The following PCDHGB2 variants were observed in gnomAD, a reference collection of about 807,000 sequenced individuals.
PCDHGB2 encodes protocadherin gamma-B2.
Under a neutral mutation model 59.3 loss-of-function variants are expected in PCDHGB2, and 55 were observed. That is an observed-to-expected ratio of 0.93 (90% CI 0.75 to 1.16). The LOEUF (loss-of-function observed/expected upper bound fraction) is 1.16, where lower values mean the gene tolerates loss of function less well. PCDHGB2 is among the 50% of genes most tolerant of loss of function. The probability of loss-of-function intolerance (pLI) is 0.00; values close to 1 mark genes in which losing one functional copy is unlikely to be tolerated. For missense variants in PCDHGB2, 1,228 were observed against 1,198.5 expected, an observed-to-expected ratio of 1.02 and a Z score of -0.36; for synonymous variants, 516 against 512.0, an observed-to-expected ratio of 1.01 and a Z score of -0.11.
chr5:141,471,046 CTTTTT>C (rs1170588345), intron 1 of PCDHGB2, among the ~76,000 whole-genome samples: 2 of 113,276 alleles, frequency 1.8e-5, no homozygotes, highest in Non-Finnish European at 3.6e-5. Context: ...CCCAAGCCCT[CTTTTT>C]TTTTTTTTTT....
chr5:141,365,365 C>T (rs761258930), intron 1 of PCDHGB2: 23 of 1,613,810 alleles, frequency 1.4e-5, no homozygotes, highest in Non-Finnish European at 1.9e-5. Context: ...ACAATGCCCC[C>T]GAAGTGATCC....
intron 1 of PCDHGB2, chr5:141,410,258 G>A: frequency 6.2e-7 from 1 of 1,614,022 alleles, no homozygotes; most frequent in East Asian, 2.2e-5. Context: ...TGACCCCCAG[G>A]CTGAACTGCA....
intron 2 of PCDHGB2, among the ~76,000 whole-genome samples, chr5:141,502,719 C>G (rs1242423173): frequency 1.3e-5 from 2 of 152,190 alleles, no homozygotes; most frequent in Non-Finnish European, 2.9e-5. Flanking sequence ...TCAGTGATTA[C>G]AAAGCGGTGA....
At chr5:141,460,724 A>C (rs1294708205) in intron 1 of PCDHGB2, among the ~76,000 whole-genome samples, 1 of 152,114 alleles carries the variant, frequency 6.6e-6, no homozygotes, top group African/African-American at 2.4e-5. Context: ...TGTTATAAGC[A>C]TATATACACA....
chr5:141,368,929 T>C (rs1183733565), intron 1 of PCDHGB2, among the ~76,000 whole-genome samples: 1 of 152,228 alleles, frequency 6.6e-6, no homozygotes, highest in Non-Finnish European at 1.5e-5. Context: ...AGTGTCTGTC[T>C]AGAATTCTGG....
chr5:141,375,213 G>T (rs778646849), intron 1 of PCDHGB2: 1 of 1,613,926 alleles, frequency 6.2e-7, no homozygotes, highest in Admixed American at 1.7e-5. Context: ...CGAGACTCTG[G>T]CCTGAATGGC....
intron 1 of PCDHGB2, chr5:141,478,551 G>A (rs759604162): frequency 6.2e-6 from 10 of 1,603,054 alleles, no homozygotes; most frequent in South Asian, 3.3e-5. Context: ...GGACAGGTAA[G>A]GTTTAGCAAG....
intron 1 of PCDHGB2, chr5:141,384,055 A>G (rs764578426): frequency 7.5e-6 from 12 of 1,610,418 alleles, no homozygotes; most frequent in Non-Finnish European, 1.0e-5. Context: ...GACCTGCACC[A>G]TTCCAGAAAA....
intron 1 of PCDHGB2, chr5:141,409,594 C>G: frequency 1.2e-6 from 2 of 1,613,900 alleles, no homozygotes; most frequent in Non-Finnish European, 1.7e-6. Flanking sequence ...TGGCCGAGAA[C>G]AACCCGCCAG....
At position 141,433,401 on chromosome 5, in the gene PCDHGB2, A is replaced by C. The variant is rs181247960; in HGVS notation, c.2422-61406A>C. ...TATCTATCTATCTATCTATCTATCT[A>C]TCTATTACTTTCTTGTACAGACAGG... On this transcript the variant is annotated intron_variant, in intron 1 of 3. Transcript: ENST00000522605. Among the ~76,000 whole-genome samples, 679 of 150,596 alleles carry C rather than the reference A, an allele frequency of 4.5e-3. 8 individuals carry two copies. The highest frequency in any genetic ancestry group is 0.015 in the African/African-American group (630 of 40,956).
chr5:141,410,332 C>T (rs541138780), intron 1 of PCDHGB2: 2 of 1,614,002 alleles, frequency 1.2e-6, no homozygotes, highest in Non-Finnish European at 1.7e-6. Context: ...TGATTCTGGC[C>T]ATTGCCTTGC....
In PCDHGB2 at chr5:141,485,178, T is replaced by A; in HGVS notation, c.2422-9629T>A. The stretch of plus-strand genomic sequence containing the variant: ...GAGAATTAGCGGGCGGCAGCAATGC[T>A]CCGCAAGGTGAGAAGCTGGACAGAA... On this transcript the variant is annotated intron_variant, in intron 1 of 3. Transcript: ENST00000522605. This position sits in a 1 kb window ranked among gnomAD's most constrained non-coding sequence, Gnocchi z 5.7. 1.2e-6 allele frequency: 2 copies of A among 1,612,400 alleles called. No homozygotes were observed. Among genetic ancestry groups the A allele is most frequent in the Non-Finnish European group, 1.7e-6 (2 of 1,178,628 alleles).
intron 1 of PCDHGB2, chr5:141,439,998 G>A (rs2098143949): frequency 6.5e-6 from 1 of 153,152 alleles, no homozygotes; most frequent in Non-Finnish European, 1.5e-5. Context: ...TTGGTGGTGG[G>A]AAACCTTGCC....
chr5:141,491,954 C>CA lies in PCDHGB2; in HGVS notation c.2422-2847dup. 1 of 1,032,920 alleles carries CA rather than the reference C, an allele frequency of 9.7e-7. No homozygotes were observed. Among genetic ancestry groups the CA allele is most frequent in the Non-Finnish European group, 1.3e-6 (1 of 747,262 alleles). 64.0% of individuals were successfully genotyped at this position (1,032,920 alleles called of 1,614,324 possible). A position where few individuals can be genotyped will look rare whatever the true frequency, so the allele number is the denominator to read the frequency against. ...TGGGACCGACCCCCACCCCTACACTCAAAAAAGGCCGGGGCCTCCTTCGAG... is the reference window on the plus strand; with the variant it reads ...TGGGACCGACCCCCACCCCTACACTCAAAAAAAGGCCGGGGCCTCCTTCGAG... On this transcript the variant is annotated intron_variant, in intron 1 of 3. Coordinates refer to ENST00000522605, the MANE Select transcript of PCDHGB2 (RefSeq NM_018923.3). This position sits in a 1 kb window ranked among gnomAD's most constrained non-coding sequence, Gnocchi z 6.9.
chr5:141,506,434 C>A lies in PCDHGB2; in HGVS notation c.2569+953C>A, dbSNP rs139627189. Among the ~76,000 whole-genome samples the A allele has an allele frequency of 8.5e-4, 112 of 131,752 alleles. 2 individuals are homozygous for A. The highest frequency in any genetic ancestry group is 3.3e-3 in the African/African-American group (107 of 32,408). 86.4% of individuals were successfully genotyped at this position (131,752 alleles called of 152,430 possible). ...TGCACTCCAGCCTGGGCAACAGTCT[C>A]GCTCTGTCTCAAAAAAAAAAAAAAA... On this transcript the variant is annotated intron_variant, in intron 3 of 3. Transcript: ENST00000522605.
At chr5:141,408,667 C>G in intron 1 of PCDHGB2, 1 of 1,613,954 alleles carries the variant, frequency 6.2e-7, no homozygotes, top group Non-Finnish European at 8.5e-7. Context: ...TATCGCTTGA[C>G]CCTGCCACGG....
At chr5:141,420,061 G>A (rs376044810) in intron 1 of PCDHGB2, 3 of 1,613,958 alleles carry the variant, frequency 1.9e-6, no homozygotes, top group Non-Finnish European at 2.5e-6. Flanking sequence ...TCTGCTCCAA[G>A]TCCGGACCTG....
In PCDHGB2 at chr5:141,485,615, C is replaced by G; in HGVS notation, c.2422-9192C>G. ...CTTGGAAATTGGGGAGGCAGCTCCTCCAGGACAGCGTTTCCCGTTGGAAAA... is the reference window on the plus strand; with the variant it reads ...CTTGGAAATTGGGGAGGCAGCTCCTGCAGGACAGCGTTTCCCGTTGGAAAA... On this transcript the variant is annotated intron_variant, in intron 1 of 3. Coordinates refer to ENST00000522605, the MANE Select transcript of PCDHGB2 (RefSeq NM_018923.3). This position sits in a 1 kb window ranked among gnomAD's most constrained non-coding sequence, Gnocchi z 5.7. 6.2e-7 allele frequency: 1 copy of G among 1,612,250 alleles called. No individual in the cohort carries two copies. The highest frequency in any genetic ancestry group is 1.3e-5 in the African/African-American group (1 of 74,992).
At chr5:141,415,189 A>G (rs575244490) in intron 1 of PCDHGB2, 2 of 1,613,958 alleles carry the variant, frequency 1.2e-6, no homozygotes, top group Non-Finnish European at 1.7e-6. Context: ...GGCCGACAGC[A>G]TCCCCCAAGT....
Sources: allele counts gnomAD v4.1 joint callset (sites outside exome capture counted in the v4.1 genomes callset), GRCh38; gene constraint gnomAD v4.1.1; non-coding constraint Gnocchi (gnomAD v3.1); transcripts MANE v1.5; gene names NCBI Gene and HGNC (gene_info 2026-07-23, HGNC 2026-07-21).